The following NBAS variants were observed in gnomAD, a reference collection of about 807,000 sequenced individuals.
NBAS encodes NBAS subunit of NRZ tethering complex, also known as NAG/BC035112 fusion.
NBAS carries 219 observed loss-of-function variants against 302.5 expected under a neutral mutation model. The ratio of observed to expected loss-of-function variants is 0.72; its 90% CI spans 0.65 to 0.81. NBAS has a LOEUF of 0.81. Among genes scored for constraint, NBAS ranks in the 30% least tolerant of loss-of-function variants. The pLI is 0.00. For missense variants in NBAS, 2,932 were observed against 2,841.6 expected, an observed-to-expected ratio of 1.03 and a Z score of -0.72; for synonymous variants, 1,118 against 1,021.6, an observed-to-expected ratio of 1.09 and a Z score of -1.80.
the NBAS span, among the ~76,000 whole-genome samples, chr2:14,941,466 G>A: frequency 6.6e-6 from 1 of 152,240 alleles, no homozygotes; most frequent in Non-Finnish European, 1.5e-5. Context: ...TAAGTGGAAA[G>A]GAATCCTGGA....
chr2:15,191,544 ACAGT>A lies in NBAS; in HGVS notation c.6433-1145_6433-1142del, dbSNP rs575024409. On this transcript the variant is annotated intron_variant, in intron 48 of 51. Transcript: ENST00000281513. ...AGCTTTTTTGAAATAATTTCACAAT[ACAGT>A]CAGTCAGTTTACCCTTACAGCAGTT... Among the ~76,000 whole-genome samples the A allele has an allele frequency of 1.7e-3, 264 of 152,306 alleles. 3 individuals are homozygous for A. Among genetic ancestry groups the A allele is most frequent in the Admixed American group, 0.016 (244 of 15,286 alleles).
chr2:15,290,020 AGAG>A (rs1398971860), intron 41 of NBAS, among the ~76,000 whole-genome samples: 3 of 148,590 alleles, frequency 2.0e-5, no homozygotes, highest in African/African-American at 7.4e-5. Context: ...AAAAAAGAAG[AGAG>A]GAGAAGAGAG....
chr2:15,421,680 C>T (rs1402928300), intron 23 of NBAS, among the ~76,000 whole-genome samples: 1 of 151,620 alleles, frequency 6.6e-6, no homozygotes, highest in Non-Finnish European at 1.5e-5. Flanking sequence ...GAATACAAGC[C>T]AACTGAAGTC....
At chr2:15,394,488 G>T in intron 27 of NBAS, 139 bp from the exon 28 acceptor site, 1 of 822,556 alleles carries the variant, frequency 1.2e-6, no homozygotes, top group South Asian at 1.7e-5. Context: ...TACATATAAC[G>T]TTGATTCTCA....
the NBAS span, among the ~76,000 whole-genome samples, chr2:14,947,899 C>G: frequency 6.6e-6 from 1 of 151,528 alleles, no homozygotes; most frequent in Non-Finnish European, 1.5e-5. Context: ...GTTCTTGGTT[C>G]TGTTAATGTG....
At chr2:15,541,237 C>A (rs73202769) in intron 6 of NBAS, among the ~76,000 whole-genome samples, 1,917 of 152,228 alleles carry the variant, frequency 0.013, 36 homozygotes, top group African/African-American at 0.043. Flanking sequence ...TCTGAGCTCA[C>A]TGAAATCAGA....
the NBAS span, among the ~76,000 whole-genome samples, chr2:14,991,001 G>T: frequency 6.6e-6 from 1 of 152,258 alleles, no homozygotes; most frequent in East Asian, 1.9e-4. Context: ...AGTGGGAGTG[G>T]GAGTTTGACA....
chr2:15,049,634 T>A, the NBAS span, among the ~76,000 whole-genome samples: 1 of 152,024 alleles, frequency 6.6e-6, no homozygotes. Context: ...GGAAATGGTG[T>A]TGAATTCCCA....
At chr2:14,946,442 A>G in the NBAS span, among the ~76,000 whole-genome samples, 1 of 152,202 alleles carries the variant, frequency 6.6e-6, no homozygotes, top group Non-Finnish European at 1.5e-5. Flanking sequence ...AAAGAGAAAA[A>G]GAAGGTCACT....
At chr2:15,093,601 C>T in the NBAS span, among the ~76,000 whole-genome samples, 4 of 152,096 alleles carry the variant, frequency 2.6e-5, no homozygotes, top group East Asian at 1.9e-4. Context: ...CTAGGAAATT[C>T]GCCAGCAATG....
At chr2:14,819,067 T>G in the NBAS span, among the ~76,000 whole-genome samples, 1 of 152,206 alleles carries the variant, frequency 6.6e-6, no homozygotes, top group Non-Finnish European at 1.5e-5. Context: ...TGCCTCCCTC[T>G]GTCATAACCC....
the NBAS span, among the ~76,000 whole-genome samples, chr2:15,085,390 C>T: frequency 7.9e-5 from 12 of 152,126 alleles, no homozygotes; most frequent in Non-Finnish European, 1.5e-4. Flanking sequence ...TGGAAGTGAC[C>T]GCCGAGCCTG....
intron 44 of NBAS, among the ~76,000 whole-genome samples, chr2:15,253,199 A>C (rs1159704321): frequency 6.6e-6 from 1 of 152,208 alleles, no homozygotes; most frequent in Non-Finnish European, 1.5e-5. Flanking sequence ...TCATGACCGC[A>C]AGATGTCTCA....
At chr2:15,325,957 T>C (rs942013242) in intron 38 of NBAS, among the ~76,000 whole-genome samples, 5 of 152,306 alleles carry the variant, frequency 3.3e-5, no homozygotes, top group Admixed American at 3.3e-4. Context: ...CATTTCAATA[T>C]TGTTGTGTCT....
chr2:14,991,426 C>T, the NBAS span, among the ~76,000 whole-genome samples: 3 of 152,112 alleles, frequency 2.0e-5, no homozygotes, highest in African/African-American at 4.8e-5. Flanking sequence ...ACTCCAGAAA[C>T]ATAAGGTACC....
intron 36 of NBAS, among the ~76,000 whole-genome samples, chr2:15,329,284 C>T (rs1672212659): frequency 6.6e-6 from 1 of 152,168 alleles, no homozygotes; most frequent in Non-Finnish European, 1.5e-5. Context: ...CACTAAACGG[C>T]ATCTTCATTT....
chr2:15,515,762 T>C (rs1477235458), intron 9 of NBAS, among the ~76,000 whole-genome samples: 1 of 151,990 alleles, frequency 6.6e-6, no homozygotes, highest in Non-Finnish European at 1.5e-5. Flanking sequence ...AAAGTTCCAC[T>C]GGTAAAACCA....
the NBAS span, among the ~76,000 whole-genome samples, chr2:15,059,966 A>C: frequency 1.9e-3 from 89 of 46,878 alleles, no homozygotes; most frequent in African/African-American, 0.012. Flanking sequence ...AAAAAAAACA[A>C]AAAAAAAAAC....
chr2:14,783,380 T>A, the NBAS span, among the ~76,000 whole-genome samples: 1 of 151,746 alleles, frequency 6.6e-6, no homozygotes, highest in African/African-American at 2.4e-5. Context: ...GCAGGTTAGT[T>A]ACATAAGTAT....
Sources: gnomAD v4.1 joint callset for allele counts (sites outside exome capture counted in the v4.1 genomes callset) on GRCh38, gnomAD v4.1.1 for gene constraint, MANE v1.5 for transcripts, NCBI Gene and HGNC (gene_info 2026-07-23, HGNC 2026-07-21) for gene names.